ASAP1: variants seen among roughly 807,000 people sequenced by gnomAD.
ASAP1 encodes ArfGAP with SH3 domain, ankyrin repeat and PH domain 1.
Under a neutral mutation model 145.2 loss-of-function variants are expected in ASAP1, and 43 were observed. The observed-to-expected ratio is 0.30, with a 90% CI of 0.23 to 0.38. The LOEUF (loss-of-function observed/expected upper bound fraction) is 0.38, where lower values mean the gene tolerates loss of function less well. Ranked by LOEUF, ASAP1 falls within the 10% of genes least tolerant of loss-of-function variation. The pLI, the probability that ASAP1 is intolerant of heterozygous loss-of-function variation, is 1.00. For synonymous variants in ASAP1, 546 were observed against 515.5 expected, an observed-to-expected ratio of 1.06 and a Z score of -0.80; for missense variants, 1,018 against 1,355.3, an observed-to-expected ratio of 0.75 and a Z score of 3.91.
intron 13 of ASAP1, among the ~76,000 whole-genome samples, chr8:130,150,122 ATG>A (rs2135938315): frequency 6.6e-6 from 1 of 152,360 alleles, no homozygotes; most frequent in Non-Finnish European, 1.5e-5. Flanking sequence ...TATAATCTTT[ATG>A]TGTTAAATAC....
At chr8:130,192,690 T>C (rs767611110) in intron 5 of ASAP1, among the ~76,000 whole-genome samples, 19 of 152,148 alleles carry the variant, frequency 1.2e-4, no homozygotes, top group Admixed American at 3.3e-4. Flanking sequence ...GCACTTACCA[T>C]CCCTACCCAT....
intron 24 of ASAP1, among the ~76,000 whole-genome samples, chr8:130,097,107 CAG>C (rs1170749728): frequency 1.8e-5 from 2 of 113,568 alleles, no homozygotes; most frequent in Admixed American, 1.3e-4. Context: ...GCCTAGGAGA[CAG>C]AGTGACAGTT....
chr8:130,076,394 T>G lies in ASAP1; in HGVS notation c.2655A>C (p.Ala885=). 6.2e-7 allele frequency: 1 copy of G among 1,611,502 alleles called. No individual in the cohort carries two copies. Among genetic ancestry groups the G allele is most frequent in the East Asian group, 2.2e-5 (1 of 44,842 alleles). The change falls in exon 27 of 30, where the codon GCA becomes GCC. Residue 885 remains alanine (A), a synonymous_variant. Coordinates refer to ENST00000518721, the MANE Select transcript of ASAP1 (RefSeq NM_018482.4). Reference sequence around the variant, plus strand: ...GAACTCTTGGGCCAAGGGCAGTCTTTGCAGAACTGGTGCTAATCAACAAAT... The same window carrying G: ...GAACTCTTGGGCCAAGGGCAGTCTTGGCAGAACTGGTGCTAATCAACAAAT... ...GLSQQSSTSS[A]KTALGPRVLP...
intron 17 of ASAP1, 86 bp downstream of exon 17, chr8:130,125,870 C>T: frequency 7.4e-7 from 1 of 1,343,698 alleles, no homozygotes; most frequent in Non-Finnish European, 1.0e-6. Context: ...TTGTACTCAG[C>T]AGACATACAA....
chr8:130,166,458 C>T (rs1345333947), intron 11 of ASAP1, among the ~76,000 whole-genome samples: 1 of 152,092 alleles, frequency 6.6e-6, no homozygotes, highest in African/African-American at 2.4e-5. Flanking sequence ...GAGTTTTTAC[C>T]TCAGAAACTG....
chr8:130,069,309 C>T (rs1307702750), intron 27 of ASAP1, among the ~76,000 whole-genome samples: 1 of 152,170 alleles, frequency 6.6e-6, no homozygotes, highest in Non-Finnish European at 1.5e-5. Context: ...GATCTTAGCT[C>T]ATTGCAATCT....
At chr8:130,081,351 C>T (rs534769856) in intron 25 of ASAP1, among the ~76,000 whole-genome samples, 55 of 152,246 alleles carry the variant, frequency 3.6e-4, no homozygotes, top group African/African-American at 1.3e-3. Flanking sequence ...TTGTGGAGCC[C>T]CAAGCTGCAG....
At chr8:130,387,164 A>T (rs1828057101) in intron 2 of ASAP1, among the ~76,000 whole-genome samples, 1 of 152,194 alleles carries the variant, frequency 6.6e-6, no homozygotes, top group African/African-American at 2.4e-5. Context: ...TGTTTTTCTT[A>T]AGAGAATCTC....
intron 3 of ASAP1, among the ~76,000 whole-genome samples, chr8:130,296,177 G>A (rs1822259790): frequency 1.3e-5 from 2 of 152,194 alleles, no homozygotes; most frequent in Non-Finnish European, 2.9e-5. Flanking sequence ...TTCCTTATGA[G>A]TCTTGCTTAG....
At chr8:130,095,919 A>G (rs1274521903) in intron 24 of ASAP1, among the ~76,000 whole-genome samples, 1 of 152,150 alleles carries the variant, frequency 6.6e-6, no homozygotes, top group Admixed American at 6.6e-5. Flanking sequence ...GTGCCCGGCC[A>G]GGCCAGTAAT....
chr8:130,181,676 G>A (rs1641898726), intron 7 of ASAP1, among the ~76,000 whole-genome samples: 2 of 152,152 alleles, frequency 1.3e-5, no homozygotes, highest in African/African-American at 4.8e-5. Context: ...TGGGGAGGGG[G>A]CCAGGGGAAA....
At chr8:130,342,766 T>G (rs1160746233) in intron 3 of ASAP1, among the ~76,000 whole-genome samples, 1 of 151,754 alleles carries the variant, frequency 6.6e-6, no homozygotes, top group African/African-American at 2.4e-5. Flanking sequence ...CAAGTTAAAG[T>G]TGCTTTTGGC....
intron 3 of ASAP1, among the ~76,000 whole-genome samples, chr8:130,316,463 T>C (rs1163499181): frequency 1.3e-5 from 2 of 152,216 alleles, no homozygotes; most frequent in Admixed American, 1.3e-4. Flanking sequence ...AGAATCCTGG[T>C]TTTTACCAGA....
intron 3 of ASAP1, among the ~76,000 whole-genome samples, chr8:130,356,064 C>T (rs1211983172): frequency 1.3e-5 from 2 of 150,174 alleles, no homozygotes. Context: ...CCTAATCTTA[C>T]AACAGTATTT....
chr8:130,344,466 C>G (rs1466341968), intron 3 of ASAP1, among the ~76,000 whole-genome samples: 1 of 151,818 alleles, frequency 6.6e-6, no homozygotes, highest in Non-Finnish European at 1.5e-5. Context: ...TTCAAAAAAT[C>G]AGGGGAAGGA....
chr8:130,107,238 A>AGTG (rs550893335), intron 24 of ASAP1, among the ~76,000 whole-genome samples: 2 of 145,020 alleles, frequency 1.4e-5, no homozygotes, highest in South Asian at 4.4e-4. Flanking sequence ...GTTGGAGAGA[A>AGTG]GTGGCACAAT....
chr8:130,343,012 T>G (rs1825482716), intron 3 of ASAP1, among the ~76,000 whole-genome samples: 1 of 152,160 alleles, frequency 6.6e-6, no homozygotes, highest in South Asian at 2.1e-4. Context: ...AAAAAGGTTT[T>G]CAGCTGGAGA....
chr8:130,133,671 A>C lies in ASAP1; in HGVS notation c.1217+625T>G, dbSNP rs935071697. On this transcript the variant is annotated intron_variant, in intron 15 of 29. Transcript: ENST00000518721. ...GAGCGAGACTCCGTCTCAAAAACAAACAAACAAACAAACAAACAAAAAAAA... is the reference window on the plus strand; with the variant it reads ...GAGCGAGACTCCGTCTCAAAAACAACCAAACAAACAAACAAACAAAAAAAA... Among the ~76,000 whole-genome samples the C allele has an allele frequency of 2.0e-5, 3 of 147,228 alleles. No homozygotes were observed. In the South Asian group the frequency reaches 6.4e-4, roughly 31 times the overall value.
Position 130,401,834 on chromosome 8 carries a change from T to A in ASAP1, c.59+51A>T, listed in dbSNP as rs185372212. Reference sequence around the variant, plus strand: ...TTTCAACTCCCAAGAAGAATCCCGCTGTATCTCCCACGCCGAGTTTTCTGG... The same window carrying A: ...TTTCAACTCCCAAGAAGAATCCCGCAGTATCTCCCACGCCGAGTTTTCTGG... On this transcript the variant is annotated intron_variant, in intron 2 of 29. Coordinates refer to ENST00000518721, the MANE Select transcript of ASAP1 (RefSeq NM_018482.4). 709 of 1,557,826 alleles carry A rather than the reference T, an allele frequency of 4.6e-4. 5 individuals carry two copies. The African/African-American group carries it at 8.7e-3, about 19-fold the overall frequency.
Sources: gnomAD v4.1 joint callset for allele counts (sites outside exome capture counted in the v4.1 genomes callset) on GRCh38, gnomAD v4.1.1 for gene constraint, MANE v1.5 for transcripts, NCBI Gene and HGNC (gene_info 2026-07-23, HGNC 2026-07-21) for gene names.